Variants in FHOD3 observed in about 807,000 individuals in gnomAD.
The protein encoded by FHOD3 is FH1/FH2 domain-containing protein 3.
FHOD3 carries 90 observed loss-of-function variants against 173.0 expected under a neutral mutation model. The observed-to-expected ratio is 0.52, with a 90% CI of 0.44 to 0.62. FHOD3 has a LOEUF of 0.62. Ranked by LOEUF, FHOD3 falls within the 20% of genes least tolerant of loss-of-function variation. The probability of loss-of-function intolerance (pLI) is 0.00; values close to 1 mark genes in which losing one functional copy is unlikely to be tolerated. For synonymous variants in FHOD3, 828 were observed against 823.0 expected (o/e 1.01, Z -0.10); for missense variants, 1,945 against 2,034.7 (o/e 0.96, Z 0.85).
chr18:36,408,987 G>A (rs1264665263), intron 3 of FHOD3, among the ~76,000 whole-genome samples: 2 of 152,170 alleles, frequency 1.3e-5, no homozygotes, highest in Non-Finnish European at 2.9e-5. Flanking sequence ...CCCCTGCTGG[G>A]GAGCTGGGTC....
intron 10 of FHOD3, among the ~76,000 whole-genome samples, chr18:36,633,591 G>C (rs1395273937): frequency 6.6e-6 from 1 of 152,174 alleles, no homozygotes; most frequent in Non-Finnish European, 1.5e-5. Flanking sequence ...AGAGGTTAAG[G>C]AGCTTGTCCC....
At chr18:36,597,333 A>G (rs984362526) in intron 7 of FHOD3, among the ~76,000 whole-genome samples, 1 of 152,166 alleles carries the variant, frequency 6.6e-6, no homozygotes, top group Non-Finnish European at 1.5e-5. Context: ...AGATAAAACA[A>G]TGGCCATCTT....
chr18:36,678,401 A>T (rs967036434), intron 14 of FHOD3, among the ~76,000 whole-genome samples: 2 of 151,574 alleles, frequency 1.3e-5, no homozygotes, highest in African/African-American at 2.4e-5. Context: ...AATGGGCATG[A>T]TGGTGCATGC....
chr18:36,572,591 C>T (rs749240744), intron 5 of FHOD3, among the ~76,000 whole-genome samples: 7 of 152,202 alleles, frequency 4.6e-5, no homozygotes, highest in East Asian at 1.9e-4. Flanking sequence ...TAGTGATGCA[C>T]CTCTTCCAGT....
intron 3 of FHOD3, among the ~76,000 whole-genome samples, chr18:36,444,937 G>T (rs1042476691): frequency 3.3e-5 from 5 of 152,184 alleles, no homozygotes; most frequent in African/African-American, 1.2e-4. Context: ...GTTGTTGGAG[G>T]TATATTGTCA....
chr18:36,380,032 G>A (rs1309122326), intron 3 of FHOD3, among the ~76,000 whole-genome samples: 2 of 152,086 alleles, frequency 1.3e-5, no homozygotes. Flanking sequence ...CATTTCTGTT[G>A]TATTAGAAAT....
intron 20 of FHOD3, among the ~76,000 whole-genome samples, chr18:36,740,205 ATTAC>A (rs2041838754): frequency 6.6e-6 from 1 of 152,220 alleles, no homozygotes; most frequent in African/African-American, 2.4e-5. Context: ...TAAGTTTAGT[ATTAC>A]TTAAGGTACT....
At chr18:36,561,720 T>A (rs1217544825) in intron 5 of FHOD3, among the ~76,000 whole-genome samples, 1 of 152,160 alleles carries the variant, frequency 6.6e-6, no homozygotes, top group Non-Finnish European at 1.5e-5. Context: ...TCCTCAATCT[T>A]CCTTACCCCC....
At position 36,617,610 on chromosome 18, in the gene FHOD3, T is replaced by TGTGTGTGTGTGTGTGTGTGC. The variant is rs34321745; in HGVS notation, c.957+5524_957+5525insTGTGTGTGTGCGTGTGTGTG. ...GTGTGTGTGTGTGTGTGTGTGTGTG[T>TGTGTGTGTGTGTGTGTGTGC]GTGTGTGTGCAATAGTTAAGATGTT... is the stretch of plus-strand genomic sequence containing the variant. On this transcript the variant is annotated intron_variant, in intron 9 of 28. Transcript: ENST00000590592. 9.7e-4 allele frequency among the ~76,000 whole-genome samples: 141 copies of TGTGTGTGTGTGTGTGTGTGC among 146,112 alleles called. 2 individuals are homozygous for TGTGTGTGTGTGTGTGTGTGC. In the East Asian group the frequency reaches 1.0e-2, roughly 10 times the overall value.
intron 1 of FHOD3, among the ~76,000 whole-genome samples, chr18:36,348,853 G>C (rs145040473): frequency 8.5e-5 from 13 of 152,314 alleles, no homozygotes; most frequent in Non-Finnish European, 1.6e-4. Context: ...TGAGCCTGCA[G>C]TGTCGTGGTG....
Position 36,426,685 on chromosome 18 carries a change from CTTG to C in FHOD3, c.337+53946_337+53948del, listed in dbSNP as rs145997092. Among the ~76,000 whole-genome samples the C allele has an allele frequency of 8.4e-3, 1,282 of 152,326 alleles. 7 individuals are homozygous for C. Among genetic ancestry groups the C allele is most frequent in the African/African-American group, 0.011 (448 of 41,580 alleles). Reference sequence around the variant, plus strand: ...GAACTAATGTTCATTCAATTCCTACCTTGTTGTAAGCACTGGGCTAGTCGCTTC... The same window carrying C: ...GAACTAATGTTCATTCAATTCCTACCTTGTAAGCACTGGGCTAGTCGCTTC... On this transcript the variant is annotated intron_variant, in intron 3 of 28. Coordinates refer to ENST00000590592, the MANE Select transcript of FHOD3 (RefSeq NM_001281740.3).
chr18:36,546,479 A>G (rs2057413700), intron 5 of FHOD3, among the ~76,000 whole-genome samples: 2 of 152,182 alleles, frequency 1.3e-5, no homozygotes, highest in South Asian at 4.1e-4. Context: ...GAAAATGGCT[A>G]TCTTAGCGGC....
At chr18:36,526,090 C>A (rs1205233538) in intron 5 of FHOD3, among the ~76,000 whole-genome samples, 1 of 152,214 alleles carries the variant, frequency 6.6e-6, no homozygotes, top group Non-Finnish European at 1.5e-5. Context: ...CTTTGCATCT[C>A]CTGTTTACTC....
chr18:36,561,959 GTGTATTGTATTGTATTGTAT>G (rs36233913), intron 5 of FHOD3, among the ~76,000 whole-genome samples: 2,689 of 127,170 alleles, frequency 0.021, 35 homozygotes, highest in Middle Eastern at 0.031. Flanking sequence ...CTACTACACT[GTGTATTGTATTGTATTGTAT>G]TGTATTGTAT....
Position 36,353,900 on chromosome 18 carries a change from T to A in FHOD3, c.166-1639T>A, listed in dbSNP as rs552035718. Reference sequence around the variant, plus strand: ...ACTCAGGAACCCAAGCTCCTTGCATTTGGGGCTCTGCTTTTTTCTAGGTTT... The same window carrying A: ...ACTCAGGAACCCAAGCTCCTTGCATATGGGGCTCTGCTTTTTTCTAGGTTT... On this transcript the variant is annotated intron_variant, in intron 1 of 28. Coordinates refer to ENST00000590592, the MANE Select transcript of FHOD3 (RefSeq NM_001281740.3). 8.3e-5 allele frequency among the ~76,000 whole-genome samples: 12 copies of A among 143,800 alleles called. No homozygotes were observed. The South Asian group carries it at 2.5e-3, about 30-fold the overall frequency. The allele number at this position is 143,800 out of a possible 152,430, so 94.3% of individuals were successfully genotyped here.
intron 20 of FHOD3, among the ~76,000 whole-genome samples, chr18:36,737,920 G>T (rs1269490819): frequency 6.6e-6 from 1 of 152,176 alleles, no homozygotes; most frequent in Non-Finnish European, 1.5e-5. Context: ...ATAAATTCAT[G>T]CAATGACCAC....
At chr18:36,722,222 A>G (rs1292555752) in intron 19 of FHOD3, among the ~76,000 whole-genome samples, 1 of 152,138 alleles carries the variant, frequency 6.6e-6, no homozygotes, top group East Asian at 1.9e-4. Flanking sequence ...CCCATAGGAG[A>G]CAAAGTGACC....
At chr18:36,467,108 C>G (rs1256188335) in intron 3 of FHOD3, among the ~76,000 whole-genome samples, 2 of 152,130 alleles carry the variant, frequency 1.3e-5, no homozygotes, top group Non-Finnish European at 2.9e-5. Flanking sequence ...CAGCGAGTCT[C>G]CAGCTCTTTA....
intron 5 of FHOD3, among the ~76,000 whole-genome samples, chr18:36,556,517 T>C (rs568793973): frequency 6.6e-6 from 1 of 152,216 alleles, no homozygotes; most frequent in Non-Finnish European, 1.5e-5. Flanking sequence ...GTTTTTATCT[T>C]TAACTTATCA....
Sources: gnomAD v4.1 joint callset for allele counts (sites outside exome capture counted in the v4.1 genomes callset) on GRCh38, gnomAD v4.1.1 for gene constraint, MANE v1.5 for transcripts, NCBI Gene and HGNC (gene_info 2026-07-23, HGNC 2026-07-21) for gene names.